NRG3: variants seen among roughly 807,000 people sequenced by gnomAD.
NRG3 encodes the protein neuregulin 3.
Under a neutral mutation model 66.9 loss-of-function variants are expected in NRG3, and 31 were observed. The ratio of observed to expected loss-of-function variants is 0.46; its 90% CI spans 0.35 to 0.63. The LOEUF is 0.63. Ranked by LOEUF, NRG3 falls within the 20% of genes least tolerant of loss-of-function variation. The pLI, the probability that NRG3 is intolerant of heterozygous loss-of-function variation, is 0.00. For missense variants in NRG3, 910 were observed against 878.9 expected (o/e 1.04, Z -0.45); for synonymous variants, 393 against 359.4 (o/e 1.09, Z -1.06).
chr10:82,817,777 C>G (rs2061777492), intron 3 of NRG3, among the ~76,000 whole-genome samples: 1 of 152,226 alleles, frequency 6.6e-6, no homozygotes, highest in South Asian at 2.1e-4. Flanking sequence ...GAGCCTTTCT[C>G]CCTTGCTTCT....
At chr10:82,479,272 G>A (rs184797703) in intron 2 of NRG3, among the ~76,000 whole-genome samples, 1 of 151,934 alleles carries the variant, frequency 6.6e-6, no homozygotes, top group African/African-American at 2.4e-5. Flanking sequence ...TTAACTCAGG[G>A]TTATTATGAG....
chr10:82,246,918 T>G (rs1377047518), intron 1 of NRG3, among the ~76,000 whole-genome samples: 1 of 152,164 alleles, frequency 6.6e-6, no homozygotes, highest in African/African-American at 2.4e-5. Context: ...CTGCCTTGGC[T>G]ACATAAGAGA....
chr10:82,377,940 G>A (rs1017469388), intron 2 of NRG3, among the ~76,000 whole-genome samples: 3 of 152,316 alleles, frequency 2.0e-5, no homozygotes, highest in Middle Eastern at 6.8e-3. Flanking sequence ...TAGTGTAACC[G>A]ATAGAATTTG....
chr10:82,706,421 A>G (rs566609183), intron 2 of NRG3, among the ~76,000 whole-genome samples: 2 of 152,270 alleles, frequency 1.3e-5, no homozygotes, highest in East Asian at 1.9e-4. Context: ...TGTCAATAAT[A>G]TTTACTTCAA....
rs1203958265 is a variant in NRG3, at chr10:82,447,763, G to C, written c.953+88895G>C. Among the ~76,000 whole-genome samples the C allele has an allele frequency of 8.1e-4, 123 of 152,170 alleles. 2 individuals are homozygous for C. Among genetic ancestry groups the C allele is most frequent in the Non-Finnish European group, 1.2e-4 (8 of 68,036 alleles). ...TGGAGGTGTTCAGAAACTGTATGTC[G>C]GAAGAGCTTGAGGCTCCTCTGCATG... On this transcript the variant is annotated intron_variant, in intron 2 of 8. Coordinates refer to ENST00000372141, the MANE Select transcript of NRG3 (RefSeq NM_001010848.4).
At chr10:81,881,624 A>G (rs1306629497) in intron 1 of NRG3, among the ~76,000 whole-genome samples, 1 of 152,192 alleles carries the variant, frequency 6.6e-6, no homozygotes, top group Non-Finnish European at 1.5e-5. Flanking sequence ...ATCTGGGGGC[A>G]TTGCAATGCT....
At chr10:81,914,717 C>T (rs1845494212) in intron 1 of NRG3, among the ~76,000 whole-genome samples, 1 of 140,794 alleles carries the variant, frequency 7.1e-6, no homozygotes, top group African/African-American at 2.7e-5. Flanking sequence ...GATCATGTCA[C>T]TGTACTCCAG....
intron 4 of NRG3, among the ~76,000 whole-genome samples, chr10:82,869,908 C>T (rs901633600): frequency 1.1e-4 from 16 of 151,526 alleles, no homozygotes; most frequent in African/African-American, 3.6e-4. Flanking sequence ...ACACCTGGCC[C>T]CACTGGTCTT....
chr10:82,657,407 T>A (rs1406218200), intron 2 of NRG3, among the ~76,000 whole-genome samples: 1 of 152,154 alleles, frequency 6.6e-6, no homozygotes, highest in Non-Finnish European at 1.5e-5. Context: ...TACTTATTTT[T>A]TCTTTTTTAG....
At chr10:81,897,870 T>C (rs969122789) in intron 1 of NRG3, among the ~76,000 whole-genome samples, 1 of 152,178 alleles carries the variant, frequency 6.6e-6, no homozygotes, top group Non-Finnish European at 1.5e-5. Flanking sequence ...CTTGTAGATG[T>C]AGTGCAGTGG....
chr10:82,014,292 A>C (rs1381552982), intron 1 of NRG3, among the ~76,000 whole-genome samples: 2 of 152,216 alleles, frequency 1.3e-5, no homozygotes, highest in Non-Finnish European at 2.9e-5. Flanking sequence ...TGATAGAGGT[A>C]CTGTGAGATG....
At chr10:82,394,838 C>G (rs1441246495) in intron 2 of NRG3, among the ~76,000 whole-genome samples, 2 of 152,092 alleles carry the variant, frequency 1.3e-5, no homozygotes, top group African/African-American at 4.8e-5. Context: ...TTTGCAACTG[C>G]CAGGTGTTAC....
At chr10:81,889,958 T>G (rs1842893071) in intron 1 of NRG3, among the ~76,000 whole-genome samples, 1 of 152,226 alleles carries the variant, frequency 6.6e-6, no homozygotes, top group Non-Finnish European at 1.5e-5. Context: ...GATGCTCATC[T>G]TGCATTGTGA....
intron 2 of NRG3, among the ~76,000 whole-genome samples, chr10:82,705,366 G>T (rs1232360027): frequency 6.6e-6 from 1 of 152,138 alleles, no homozygotes; most frequent in Admixed American, 6.6e-5. Context: ...GAATATCAAG[G>T]GTCTTGATCA....
At chr10:82,321,733 C>T (rs928383760) in intron 1 of NRG3, among the ~76,000 whole-genome samples, 6 of 152,216 alleles carry the variant, frequency 3.9e-5, no homozygotes, top group African/African-American at 1.4e-4. Context: ...CATATAAGAA[C>T]ACATTTCTAT....
intron 2 of NRG3, among the ~76,000 whole-genome samples, chr10:82,526,430 G>T (rs1387673373): frequency 1.3e-5 from 2 of 151,786 alleles, no homozygotes; most frequent in African/African-American, 4.8e-5. Flanking sequence ...TTGATTAAAT[G>T]CTCTAGTTAA....
intron 1 of NRG3, among the ~76,000 whole-genome samples, chr10:82,150,262 T>C (rs1398019702): frequency 6.6e-6 from 1 of 152,082 alleles, no homozygotes; most frequent in Non-Finnish European, 1.5e-5. Context: ...GACCGGTAAG[T>C]GCCCAGGAGC....
At chr10:81,933,348 G>A (rs948910421) in intron 1 of NRG3, among the ~76,000 whole-genome samples, 1 of 151,998 alleles carries the variant, frequency 6.6e-6, no homozygotes, top group African/African-American at 2.4e-5. Flanking sequence ...TCCCAATTTT[G>A]TAGATCAGAA....
At chr10:82,680,577 A>G (rs537714878) in intron 2 of NRG3, among the ~76,000 whole-genome samples, 2 of 152,324 alleles carry the variant, frequency 1.3e-5, no homozygotes, top group East Asian at 3.9e-4. Context: ...CATGATTTTA[A>G]TCTTTATTCT....
Sources: allele counts gnomAD v4.1 joint callset (sites outside exome capture counted in the v4.1 genomes callset), GRCh38; gene constraint gnomAD v4.1.1; transcripts MANE v1.5; gene names NCBI Gene and HGNC (gene_info 2026-07-23, HGNC 2026-07-21).